Variants in CNTNAP5 observed in about 807,000 individuals in gnomAD.
CNTNAP5 encodes contactin associated protein family member 5.
A neutral mutation model predicts 150.2 loss-of-function variants in CNTNAP5; 72 were observed. That is an observed-to-expected ratio of 0.48 (90% CI 0.40 to 0.58). The LOEUF is 0.58. Ranked by LOEUF, CNTNAP5 falls within the 20% of genes least tolerant of loss-of-function variation. CNTNAP5 has a pLI of 0.00. For missense variants in CNTNAP5, 1,636 were observed against 1,626.2 expected (o/e 1.01, Z -0.10); for synonymous variants, 672 against 619.8 (o/e 1.08, Z -1.25).
intron 13 of CNTNAP5, among the ~76,000 whole-genome samples, chr2:124,710,259 T>C (rs1679779304): frequency 6.6e-6 from 1 of 152,294 alleles, no homozygotes. Flanking sequence ...TCTTGATTTT[T>C]AAATATTGAC....
At chr2:124,234,837 A>G (rs1686709215) in intron 2 of CNTNAP5, among the ~76,000 whole-genome samples, 1 of 152,156 alleles carries the variant, frequency 6.6e-6, no homozygotes, top group Non-Finnish European at 1.5e-5. Flanking sequence ...GTCTTTCAAA[A>G]TAATAACACA....
chr2:124,320,820 A>G (rs1689081195), intron 3 of CNTNAP5, among the ~76,000 whole-genome samples: 1 of 152,108 alleles, frequency 6.6e-6, no homozygotes, highest in Non-Finnish European at 1.5e-5. Flanking sequence ...TGACCCCTCC[A>G]AACAGAAAAT....
intron 1 of CNTNAP5, among the ~76,000 whole-genome samples, chr2:124,151,937 C>T (rs1012020245): frequency 6.6e-6 from 1 of 152,188 alleles, no homozygotes; most frequent in African/African-American, 2.4e-5. Flanking sequence ...GAAATTACAA[C>T]TTCTTAAGGG....
chr2:124,622,898 G>T (rs1677647445), intron 12 of CNTNAP5, among the ~76,000 whole-genome samples: 1 of 152,126 alleles, frequency 6.6e-6, no homozygotes, highest in Admixed American at 6.6e-5. Flanking sequence ...GTAAAATATT[G>T]CACAGAATAT....
chr2:124,200,530 T>TAA (rs202034392), intron 1 of CNTNAP5, among the ~76,000 whole-genome samples: 2 of 151,162 alleles, frequency 1.3e-5, no homozygotes, highest in Non-Finnish European at 3.0e-5. Context: ...TGAATTGTGG[T>TAA]AAAAAAAAAC....
At position 124,366,772 on chromosome 2, in the gene CNTNAP5, A is replaced by G. The variant is rs140470920; in HGVS notation, c.382-50671A>G. Among the ~76,000 whole-genome samples, 246 of 152,294 alleles carry G rather than the reference A, an allele frequency of 1.6e-3. 2 individuals carry two copies. The highest frequency in any genetic ancestry group is 5.7e-3 in the African/African-American group (235 of 41,546). ...GCTTTGGGGCTGGGAGAGCCCTTCA[A>G]ATTTGTCCAAATTGAGAAAAGAGGG... is the stretch of plus-strand genomic sequence containing the variant. On this transcript the variant is annotated intron_variant, in intron 3 of 23. Transcript: ENST00000682447.
intron 19 of CNTNAP5, among the ~76,000 whole-genome samples, chr2:124,863,578 A>T (rs2104718314): frequency 6.6e-6 from 1 of 152,298 alleles, no homozygotes; most frequent in African/African-American, 2.4e-5. Context: ...CATAGCTCCA[A>T]ACTACATTTT....
At chr2:124,461,642 C>G (rs1693256895) in intron 6 of CNTNAP5, among the ~76,000 whole-genome samples, 1 of 151,664 alleles carries the variant, frequency 6.6e-6, no homozygotes, top group South Asian at 2.1e-4. Context: ...CTAACCTGCA[C>G]ATTGTGCACA....
chr2:124,319,345 T>C (rs1260047560), intron 3 of CNTNAP5, among the ~76,000 whole-genome samples: 3 of 152,224 alleles, frequency 2.0e-5, no homozygotes, highest in Non-Finnish European at 4.4e-5. Context: ...CTCCATGATA[T>C]TAATGAAGGG....
chr2:124,450,145 A>G (rs73952978), intron 6 of CNTNAP5, among the ~76,000 whole-genome samples: 6,821 of 152,144 alleles, frequency 0.045, 172 homozygotes, highest in Non-Finnish European at 0.051. Flanking sequence ...AGGCCTGGAC[A>G]TCACCAGCTA....
Position 124,910,344 on chromosome 2 carries a change from AAAC to A in CNTNAP5, c.3656-1120_3656-1118del, listed in dbSNP as rs1239901724. ...TAATAGTAAGCAAAATTATAAGAAG[AAAC>A]AAGATTTAGTGAGCACTTACGTTGT... On this transcript the variant is annotated intron_variant, in intron 22 of 23. Coordinates refer to ENST00000682447, the MANE Select transcript of CNTNAP5 (RefSeq NM_001367498.1). Among the ~76,000 whole-genome samples the A allele has an allele frequency of 5.9e-5, 9 of 152,236 alleles. No homozygotes were observed. The South Asian group carries it at 1.0e-3, about 18-fold the overall frequency.
chr2:124,637,275 TTTG>T (rs942924189), intron 12 of CNTNAP5, among the ~76,000 whole-genome samples: 49 of 152,212 alleles, frequency 3.2e-4, no homozygotes, highest in African/African-American at 8.7e-4. Context: ...TCTTTTTGCT[TTTG>T]TTGTTGTTGT....
intron 3 of CNTNAP5, among the ~76,000 whole-genome samples, chr2:124,296,576 C>T (rs1166283113): frequency 6.6e-6 from 1 of 152,188 alleles, no homozygotes; most frequent in Non-Finnish European, 1.5e-5. Flanking sequence ...TCATGATACA[C>T]CACACTTTTG....
At chr2:124,458,550 A>G (rs1693176007) in intron 6 of CNTNAP5, among the ~76,000 whole-genome samples, 1 of 151,830 alleles carries the variant, frequency 6.6e-6, no homozygotes, top group Admixed American at 6.6e-5. Context: ...GAGATAAAAG[A>G]CCACAAATTG....
intron 1 of CNTNAP5, among the ~76,000 whole-genome samples, chr2:124,148,498 G>T (rs1472838286): frequency 6.9e-6 from 1 of 145,248 alleles, no homozygotes; most frequent in South Asian, 2.2e-4. Context: ...TCTATGGAGA[G>T]AGAGGTATAT....
intron 3 of CNTNAP5, among the ~76,000 whole-genome samples, chr2:124,310,039 G>C: frequency 6.6e-6 from 1 of 151,036 alleles, no homozygotes; most frequent in East Asian, 1.9e-4. Flanking sequence ...TCATCTTCAC[G>C]AGGCCTGAAT....
intron 1 of CNTNAP5, among the ~76,000 whole-genome samples, chr2:124,118,310 A>G (rs1482221887): frequency 6.6e-6 from 1 of 152,180 alleles, no homozygotes; most frequent in African/African-American, 2.4e-5. Context: ...CTGAAAAGCC[A>G]CAGCACCCAC....
At chr2:124,374,461 G>A (rs1690598267) in intron 3 of CNTNAP5, among the ~76,000 whole-genome samples, 1 of 152,094 alleles carries the variant, frequency 6.6e-6, no homozygotes, top group Non-Finnish European at 1.5e-5. Context: ...ACATCTGTGA[G>A]TACTAAGAGA....
intron 2 of CNTNAP5, among the ~76,000 whole-genome samples, chr2:124,229,057 C>A (rs1322707281): frequency 6.6e-6 from 1 of 152,112 alleles, no homozygotes; most frequent in Non-Finnish European, 1.5e-5. Flanking sequence ...GAACACTTTA[C>A]CCCTACGTGT....
Sources: allele counts gnomAD v4.1 joint callset (sites outside exome capture counted in the v4.1 genomes callset), GRCh38; gene constraint gnomAD v4.1.1; transcripts MANE v1.5; gene names NCBI Gene and HGNC (gene_info 2026-07-23, HGNC 2026-07-21).